RAP1A: variants seen among roughly 807,000 people sequenced by gnomAD.
RAP1A encodes the protein ras-related protein Rap-1A.
In RAP1A, 6 loss-of-function variants were observed where a neutral mutation model predicts 26.4. The ratio of observed to expected loss-of-function variants is 0.23; its 90% CI spans 0.12 to 0.45. The LOEUF (loss-of-function observed/expected upper bound fraction) is 0.45. RAP1A is among the 20% of genes least tolerant of loss of function. RAP1A has a pLI of 0.99. For missense variants in RAP1A, 121 were observed against 217.2 expected (o/e 0.56, Z 2.78); for synonymous variants, 73 against 79.4 (o/e 0.92, Z 0.43).
At chr1:111,559,454 T>C (rs1657644019) in intron 1 of RAP1A, among the ~76,000 whole-genome samples, 1 of 152,192 alleles carries the variant, frequency 6.6e-6, no homozygotes, top group African/African-American at 2.4e-5. Context: ...AGCATAATAC[T>C]GGTCATCAAG....
intron 1 of RAP1A, among the ~76,000 whole-genome samples, chr1:111,573,600 G>T (rs1465288416): frequency 6.6e-6 from 1 of 152,134 alleles, no homozygotes; most frequent in Non-Finnish European, 1.5e-5. Flanking sequence ...CTCCCAAAGT[G>T]CTGGGATTAC....
intron 6 of RAP1A, among the ~76,000 whole-genome samples, chr1:111,705,545 G>T (rs1218723816): frequency 6.6e-6 from 1 of 152,102 alleles, no homozygotes; most frequent in Non-Finnish European, 1.5e-5. Context: ...GCCAAAGCTT[G>T]TTTTTTTATG....
rs532649875 is a variant in RAP1A, at chr1:111,549,366, G to A, written c.-28+6857G>A. On this transcript the variant is annotated intron_variant, in intron 1 of 7. Coordinates refer to the RAP1A transcript ENST00000356415. ...TTTTTCCCCCTTTTAAAACATGGTC[G>A]GGCTGGGCACGGTGGCTCACGCTTG... Among the ~76,000 whole-genome samples the A allele has an allele frequency of 1.8e-4, 26 of 144,294 alleles. No homozygotes were observed. The South Asian group carries it at 5.4e-3, about 30-fold the overall frequency. The allele number at this position is 144,294 out of a possible 152,430, so 94.7% of individuals were successfully genotyped here.
At chr1:111,682,592 A>G (rs759066782) in intron 1 of RAP1A, among the ~76,000 whole-genome samples, 3 of 152,166 alleles carry the variant, frequency 2.0e-5, no homozygotes, top group Admixed American at 6.5e-5. Context: ...CAGTGGCATT[A>G]CATAATGATA....
chr1:111,680,562 C>T (rs1477202400), intron 1 of RAP1A: 1 of 152,536 alleles, frequency 6.6e-6, no homozygotes, highest in African/African-American at 2.4e-5. Context: ...AGTCCCCACT[C>T]GACCCAGGAA....
At chr1:111,701,481 A>G (rs559595140) in intron 4 of RAP1A, among the ~76,000 whole-genome samples, 7 of 152,292 alleles carry the variant, frequency 4.6e-5, no homozygotes, top group Non-Finnish European at 5.9e-5. Flanking sequence ...ACCATCTTGC[A>G]TACTTGATTT....
intron 1 of RAP1A, among the ~76,000 whole-genome samples, chr1:111,573,011 G>C (rs924674205): frequency 2.0e-5 from 3 of 152,118 alleles, no homozygotes; most frequent in African/African-American, 7.2e-5. Context: ...TTGGTTTTCT[G>C]TTCCTGTGTT....
intron 7 of RAP1A, among the ~76,000 whole-genome samples, chr1:111,709,794 C>T (rs1162848235): frequency 6.6e-6 from 1 of 152,198 alleles, no homozygotes; most frequent in Non-Finnish European, 1.5e-5. Context: ...TGGCTTCTTG[C>T]ACTCCAAAAT....
intron 1 of RAP1A, among the ~76,000 whole-genome samples, chr1:111,561,235 C>T (rs1657724051): frequency 6.6e-6 from 1 of 152,160 alleles, no homozygotes; most frequent in Non-Finnish European, 1.5e-5. Context: ...ATGATCCTCC[C>T]ACTTCAGCCT....
At chr1:111,575,331 T>G (rs574926139) in intron 1 of RAP1A, among the ~76,000 whole-genome samples, 1 of 152,148 alleles carries the variant, frequency 6.6e-6, no homozygotes, top group Non-Finnish European at 1.5e-5. Context: ...TTTTTGTATG[T>G]TTAGTAGAGA....
chr1:111,571,115 G>A (rs1416767580), intron 1 of RAP1A, among the ~76,000 whole-genome samples: 1 of 152,172 alleles, frequency 6.6e-6, no homozygotes, highest in Non-Finnish European at 1.5e-5. Context: ...TCCCCCTCAG[G>A]TTTAATCACT....
At position 111,666,442 on chromosome 1, in the gene RAP1A, T is replaced by C. The variant is rs953564294; in HGVS notation, c.-27-24892T>C. The stretch of plus-strand genomic sequence containing the variant: ...TACTGAAACAATCTGTCTTAGACTT[T>C]TTTTGATGAAGAATTAGATTAAAAA... On this transcript the variant is annotated intron_variant, in intron 1 of 7. Transcript: ENST00000369709. 4.6e-5 allele frequency among the ~76,000 whole-genome samples: 7 copies of C among 152,192 alleles called. 1 individual carries two copies. The highest frequency in any genetic ancestry group is 1.0e-4 in the Non-Finnish European group (7 of 68,026).
rs1388036302 is a variant in RAP1A, at chr1:111,644,030, A to G, written c.-28+24096A>G. ...CTTTTCAACTGATTGGATGAGGCCT[A>G]CTCACATTATTGACGATAATCTCCT... On this transcript the variant is annotated intron_variant, in intron 1 of 7. Coordinates refer to ENST00000369709, the MANE Select transcript of RAP1A (RefSeq NM_002884.4). Among the ~76,000 whole-genome samples, 4 of 152,150 alleles carry G rather than the reference A, an allele frequency of 2.6e-5. No homozygotes were observed. The East Asian group carries it at 5.8e-4, about 22-fold the overall frequency.
At chr1:111,576,295 C>A (rs947916338) in intron 1 of RAP1A, among the ~76,000 whole-genome samples, 1 of 152,162 alleles carries the variant, frequency 6.6e-6, no homozygotes, top group African/African-American at 2.4e-5. Context: ...CCCTTGGATA[C>A]ACAAGACACA....
Position 111,704,373 on chromosome 1 carries a change from G to A in RAP1A, c.355G>A (p.Asp119Asn). Residue 119 changes from aspartate to asparagine, a missense_variant, in exon 6 of 8, where the codon GAC becomes AAC. Asp to Asn is a conservative substitution (Grantham distance 23). Coordinates refer to ENST00000369709, the MANE Select transcript of RAP1A (RefSeq NM_002884.4). ...AATGATTTTGGTTGGCAATAAATGT[G>A]ACCTGGAAGATGAGCGAGTAGTTGG... is the stretch of plus-strand genomic sequence containing the variant. ...VPMILVGNKC[D>N]LEDERVVGKE... 1 of 1,613,754 alleles carries A rather than the reference G, an allele frequency of 6.2e-7. No individual in the cohort carries two copies. Among genetic ancestry groups the A allele is most frequent in the Non-Finnish European group, 8.5e-7 (1 of 1,179,866 alleles).
chr1:111,677,569 G>C (rs867171134), intron 1 of RAP1A, among the ~76,000 whole-genome samples: 1 of 152,148 alleles, frequency 6.6e-6, no homozygotes, highest in Non-Finnish European at 1.5e-5. Context: ...ATCAAGATAA[G>C]CTTCAAAGGT....
At chr1:111,658,166 TTAAA>T (rs981190948) in intron 1 of RAP1A, among the ~76,000 whole-genome samples, 1 of 152,184 alleles carries the variant, frequency 6.6e-6, no homozygotes, top group Non-Finnish European at 1.5e-5. Flanking sequence ...AGGCAATTTG[TTAAA>T]TTAATCTCTG....
intron 1 of RAP1A, among the ~76,000 whole-genome samples, chr1:111,553,592 A>C (rs1022213622): frequency 1.3e-5 from 2 of 152,208 alleles, no homozygotes; most frequent in African/African-American, 2.4e-5. Context: ...TACTGGTTAC[A>C]TCTAAATTTC....
chr1:111,691,926 TAATA>T (rs1661681801), intron 2 of RAP1A, among the ~76,000 whole-genome samples: 5 of 152,172 alleles, frequency 3.3e-5, no homozygotes, highest in Admixed American at 2.6e-4. Context: ...GGAGGAGATG[TAATA>T]AATACACAAA....
Sources: gnomAD v4.1 joint callset for allele counts (sites outside exome capture counted in the v4.1 genomes callset) on GRCh38, gnomAD v4.1.1 for gene constraint, MANE v1.5 for transcripts, NCBI Gene and HGNC (gene_info 2026-07-23, HGNC 2026-07-21) for gene names.